The following STAP1 variants were observed in gnomAD, a reference collection of about 807,000 sequenced individuals.
STAP1 encodes signal-transducing adaptor protein 1.
STAP1 carries 30 observed loss-of-function variants against 37.8 expected under a neutral mutation model. The ratio of observed to expected loss-of-function variants is 0.79; its 90% CI spans 0.59 to 1.08. The LOEUF (loss-of-function observed/expected upper bound fraction) is 1.08. Among genes scored for constraint, STAP1 ranks in the 50% least tolerant of loss-of-function variants. The pLI is 0.00. For missense variants in STAP1, 357 were observed against 349.4 expected (o/e 1.02, Z -0.17); for synonymous variants, 130 against 116.0 (o/e 1.12, Z -0.78).
chr4:67,563,171 C>A (rs1400631046), intron 1 of STAP1, among the ~76,000 whole-genome samples: 1 of 152,168 alleles, frequency 6.6e-6, no homozygotes, highest in African/African-American at 2.4e-5. Context: ...AAGTATCAGT[C>A]CAATTCTAGA....
At chr4:67,563,434 G>A (rs1488383430) in intron 1 of STAP1, among the ~76,000 whole-genome samples, 1 of 152,160 alleles carries the variant, frequency 6.6e-6, no homozygotes, top group Non-Finnish European at 1.5e-5. Flanking sequence ...GGTGAGGCAT[G>A]CTGGCTCATC....
Position 67,558,799 on chromosome 4 carries a change from AAG to A in STAP1, c.-6_-5del. ...AGACGAGAAACCAAACCACACACCA[AAG>A]AGAGGGGTATGATGGCTAAGAAGCC... On this transcript the variant is annotated 5_prime_UTR_variant, in exon 1 of 9. Transcript: ENST00000265404. 1 of 1,607,998 alleles carries A rather than the reference AAG, an allele frequency of 6.2e-7. No homozygotes were observed. Among genetic ancestry groups the A allele is most frequent in the Non-Finnish European group, 8.5e-7 (1 of 1,178,126 alleles).
chr4:67,562,068 C>CAAAAAAAAAA (rs71219057), intron 1 of STAP1, among the ~76,000 whole-genome samples: 4 of 77,262 alleles, frequency 5.2e-5, no homozygotes, highest in African/African-American at 1.1e-4. Context: ...GAGACTCTGT[C>CAAAAAAAAAA]AAAAAAAAAA....
chr4:67,591,033 A>G, intron 7 of STAP1, 80 bp downstream of exon 7: 1 of 1,022,420 alleles, frequency 9.8e-7, no homozygotes. Flanking sequence ...AAAGCAGCCA[A>G]GTTAAGGAGC....
intron 1 of STAP1, among the ~76,000 whole-genome samples, chr4:67,565,725 T>G (rs554071065): frequency 1.3e-5 from 2 of 152,238 alleles, no homozygotes; most frequent in Admixed American, 6.5e-5. Context: ...TATGGGGTAC[T>G]CCTAGTTTTG....
chr4:67,588,356 T>C (rs2046596), intron 6 of STAP1, among the ~76,000 whole-genome samples: 10,657 of 72,260 alleles, frequency 0.15, 380 homozygotes, highest in Non-Finnish European at 0.18. Flanking sequence ...ACGACGACGA[T>C]GATGATGATG....
chr4:67,590,745 ATTTT>A (rs66493617), intron 6 of STAP1, 135 bp from the exon 7 acceptor site: 765 of 208,706 alleles, frequency 3.7e-3, no homozygotes, highest in East Asian at 8.5e-3. Flanking sequence ...ACCACGAAGG[ATTTT>A]TTTTTTTTTT....
intron 1 of STAP1, among the ~76,000 whole-genome samples, chr4:67,570,566 G>A (rs542566566): frequency 6.6e-6 from 1 of 152,270 alleles, no homozygotes; most frequent in East Asian, 1.9e-4. Context: ...GGAGGCTGGA[G>A]TGGGAGGATT....
At chr4:67,573,764 T>C (rs756704644) in intron 2 of STAP1, among the ~76,000 whole-genome samples, 3 of 152,146 alleles carry the variant, frequency 2.0e-5, no homozygotes, top group Non-Finnish European at 4.4e-5. Context: ...AAAAATTATA[T>C]ACCTATTTTT....
At chr4:67,604,926 G>A in intron 8 of STAP1, among the ~76,000 whole-genome samples, 1 of 152,202 alleles carries the variant, frequency 6.6e-6, no homozygotes, top group East Asian at 1.9e-4. Context: ...TGTGGTTTAT[G>A]CCTTAGTTTA....
intron 8 of STAP1, among the ~76,000 whole-genome samples, chr4:67,599,319 CA>C (rs1450239506): frequency 9.2e-5 from 14 of 152,316 alleles, no homozygotes; most frequent in Admixed American, 7.2e-4. Context: ...TAGAATTCAG[CA>C]GTGAAGCCAT....
chr4:67,586,286 A>G (rs755335213), intron 6 of STAP1, among the ~76,000 whole-genome samples: 1 of 152,084 alleles, frequency 6.6e-6, no homozygotes, highest in African/African-American at 2.4e-5. Context: ...GTGAAACCCT[A>G]TCTCTACTAA....
chr4:67,605,955 C>G (rs995996908), intron 8 of STAP1, among the ~76,000 whole-genome samples: 2 of 152,060 alleles, frequency 1.3e-5, no homozygotes, highest in African/African-American at 4.8e-5. Flanking sequence ...CAGCATTTGG[C>G]TCTCTCTTAC....
At chr4:67,571,857 C>T (rs533252302) in intron 2 of STAP1, among the ~76,000 whole-genome samples, 1 of 152,246 alleles carries the variant, frequency 6.6e-6, no homozygotes, top group East Asian at 1.9e-4. Context: ...TAGAAGCCAA[C>T]ATCTAATGAA....
At chr4:67,598,567 T>A (rs1358650863) in intron 8 of STAP1, among the ~76,000 whole-genome samples, 2 of 152,196 alleles carry the variant, frequency 1.3e-5, no homozygotes, top group Admixed American at 6.5e-5. Context: ...TGTTTGCCAT[T>A]TGTATGTCTT....
rs770138895 is a variant in STAP1, at chr4:67,571,147, A to T, written c.184A>T (p.Ser62Cys). The part of the protein sequence containing the change: ...TTLFFYTDKK[S>C]IIYVDKLDIV... ...TCTTTTCTTTTATACCGACAAAAAG[A>T]GTATAATAGTAAGTAAATATGTTGA... The change falls in exon 2 of 9, where the codon AGT (serine) becomes TGT (cysteine). Residue 62 changes from serine to cysteine, a missense_variant. Physicochemically the swap from Ser to Cys is moderately radical, Grantham distance 112. Transcript: ENST00000265404. 13 of 1,599,180 alleles carry T rather than the reference A, an allele frequency of 8.1e-6. No homozygotes were observed. In the South Asian group the frequency reaches 1.3e-4, roughly 16 times the overall value.
chr4:67,559,526 A>G (rs1727286293), intron 1 of STAP1, among the ~76,000 whole-genome samples: 1 of 152,122 alleles, frequency 6.6e-6, no homozygotes, highest in Non-Finnish European at 1.5e-5. Flanking sequence ...ACTAAGCTAC[A>G]TAAATACCTT....
At chr4:67,601,646 TG>T (rs1406692903) in intron 8 of STAP1, among the ~76,000 whole-genome samples, 6 of 152,212 alleles carry the variant, frequency 3.9e-5, no homozygotes, top group Non-Finnish European at 8.8e-5. Context: ...GAAAGTATTT[TG>T]CCGTCTGCAC....
chr4:67,595,719 CTTTT>C (rs1728210003), intron 8 of STAP1, among the ~76,000 whole-genome samples: 1 of 152,086 alleles, frequency 6.6e-6, no homozygotes, highest in Non-Finnish European at 1.5e-5. Context: ...GTTCTTTGCT[CTTTT>C]CTTTTTCAAA....
Sources: gnomAD v4.1 joint callset for allele counts (sites outside exome capture counted in the v4.1 genomes callset) on GRCh38, gnomAD v4.1.1 for gene constraint, MANE v1.5 for transcripts, NCBI Gene and HGNC (gene_info 2026-07-23, HGNC 2026-07-21) for gene names.